Variants in RASA1 observed in about 807,000 individuals in gnomAD.
The protein encoded by RASA1 is RAS p21 protein activator 1.
RASA1 carries 25 observed loss-of-function variants against 132.2 expected under a neutral mutation model. The ratio of observed to expected loss-of-function variants is 0.19; its 90% confidence interval spans 0.14 to 0.26. The LOEUF (loss-of-function observed/expected upper bound fraction) is 0.26. Ranked by LOEUF, RASA1 falls within the 10% of genes least tolerant of loss-of-function variation. The pLI, the probability that RASA1 is intolerant of heterozygous loss-of-function variation, is 1.00. For missense variants in RASA1, 964 were observed against 1,299.2 expected (o/e 0.74, Z 3.97); for synonymous variants, 477 against 449.9 (o/e 1.06, Z -0.76).
intron 1 of RASA1, among the ~76,000 whole-genome samples, chr5:87,298,972 C>T (rs747458886): frequency 6.6e-6 from 1 of 152,168 alleles, no homozygotes; most frequent in Non-Finnish European, 1.5e-5. Flanking sequence ...CATTTTGGGC[C>T]TGTGCTCTTG....
intron 1 of RASA1, among the ~76,000 whole-genome samples, chr5:87,330,704 G>A (rs115737216): frequency 0.02 from 2,985 of 152,244 alleles, 42 homozygotes; most frequent in Non-Finnish European, 0.028. Context: ...AGCAAGAAGG[G>A]TGAAGGGACA....
chr5:87,324,237 G>A (rs1293840831), intron 1 of RASA1, among the ~76,000 whole-genome samples: 3 of 152,176 alleles, frequency 2.0e-5, no homozygotes, highest in African/African-American at 7.2e-5. Context: ...AAAATGTGCT[G>A]TAGGTACTAA....
intron 5 of RASA1, among the ~76,000 whole-genome samples, chr5:87,340,802 A>G (rs999966489): frequency 3.4e-4 from 52 of 152,268 alleles, no homozygotes; most frequent in Non-Finnish European, 6.0e-4. Flanking sequence ...CAAAAAGTAC[A>G]AGCTACAGTG....
chr5:87,344,301 A>G (rs1251339480), intron 6 of RASA1, among the ~76,000 whole-genome samples: 1 of 152,134 alleles, frequency 6.6e-6, no homozygotes, highest in Non-Finnish European at 1.5e-5. Context: ...CTGGTACCCC[A>G]TAAAAATAAA....
At chr5:87,338,119 C>A in intron 5 of RASA1, 28 bp downstream of exon 5, 1 of 1,610,370 alleles carries the variant, frequency 6.2e-7, no homozygotes, top group Non-Finnish European at 8.5e-7. Context: ...CTTCTCAATT[C>A]TAGATTCTAA....
Position 87,349,122 on chromosome 5 carries a change from A to G in RASA1, c.1103-92A>G, listed in dbSNP as rs1489747260. ...TCCTGGTGAAAATTTACATATGTTT[A>G]TGACTTTGAATGCACTTTGTAATAA... On this transcript the variant is annotated intron_variant, in intron 7 of 24. Transcript: ENST00000274376. 18 of 1,426,236 alleles carry G rather than the reference A, an allele frequency of 1.3e-5. No homozygotes were observed. In the East Asian group the frequency reaches 3.5e-4, roughly 27 times the overall value. The allele number at this position is 1,426,236 out of a possible 1,614,324, so 88.3% of individuals were successfully genotyped here.
Position 87,351,180 on chromosome 5 carries a change from TA to T in RASA1, c.1253+1827del, listed in dbSNP as rs1228940643. On this transcript the variant is annotated intron_variant, in intron 8 of 24. Transcript: ENST00000274376. Reference sequence around the variant, plus strand: ...TTTAATGTTCCTATATTCAGAGTTTTAAAAAAAAAAAGCAGAAGAGGCATTT... The same window carrying T: ...TTTAATGTTCCTATATTCAGAGTTTTAAAAAAAAAAGCAGAAGAGGCATTT... Among the ~76,000 whole-genome samples, 806 of 145,364 alleles carry T rather than the reference TA, an allele frequency of 5.5e-3. 4 individuals carry two copies. The highest frequency in any genetic ancestry group is 0.018 in the African/African-American group (708 of 40,126).
At chr5:87,374,611 T>C (rs966613980) in intron 14 of RASA1, among the ~76,000 whole-genome samples, 5 of 151,904 alleles carry the variant, frequency 3.3e-5, no homozygotes, top group African/African-American at 4.8e-5. Flanking sequence ...CCAGTACTTA[T>C]TTGAATGAAT....
intron 13 of RASA1, 109 bp downstream of exon 13, chr5:87,372,304 C>T: frequency 2.1e-6 from 2 of 961,130 alleles, no homozygotes; most frequent in Non-Finnish European, 1.6e-6. Flanking sequence ...GGGGTTAAGC[C>T]ATGCTGCCAC....
rs150971816 is a variant in RASA1 at position 87,383,631 on chromosome 5, C to T, written c.2691-82C>T. On this transcript the variant is annotated intron_variant, in intron 20 of 24. Transcript: ENST00000274376. ...ATGGGTTCTATGAGTACTAAAAATTCTGTTTATATATATTGTTTTAATGTA... is the reference window on the plus strand; with the variant it reads ...ATGGGTTCTATGAGTACTAAAAATTTTGTTTATATATATTGTTTTAATGTA... The T allele has an allele frequency of 1.7e-3, 1,791 of 1,057,952 alleles. 26 individuals are homozygous for T. In the African/African-American group the frequency reaches 0.027, roughly 16 times the overall value. 65.5% of individuals were successfully genotyped at this position (1,057,952 alleles called of 1,614,324 possible).
intron 9 of RASA1, among the ~76,000 whole-genome samples, chr5:87,357,917 T>C (rs578021820): frequency 1.3e-5 from 2 of 152,310 alleles, no homozygotes; most frequent in Admixed American, 1.3e-4. Context: ...ATTTGATTGA[T>C]TGCTACACAG....
At chr5:87,293,250 A>AT (rs1164236637) in intron 1 of RASA1, among the ~76,000 whole-genome samples, 5,610 of 143,578 alleles carry the variant, frequency 0.039, 334 homozygotes, top group African/African-American at 0.13. Flanking sequence ...TTTTTGGTAG[A>AT]TTTTTTTTTT....
chr5:87,390,893 C>A lies in RASA1; in HGVS notation c.*10C>A. ...CAATGATGTCAGGTAGCAGCCTTCG[C>A]CCCAGTGTTCTGCATGGATTCAGCA... On this transcript the variant is annotated 3_prime_UTR_variant, in exon 25 of 25. Transcript: ENST00000274376. The A allele has an allele frequency of 6.3e-7, 1 of 1,599,398 alleles. No homozygotes were observed. The highest frequency in any genetic ancestry group is 8.6e-7 in the Non-Finnish European group (1 of 1,166,684).
In RASA1 at chr5:87,390,780, A is replaced by C; in HGVS notation, c.3061-20A>C. 1 of 1,591,862 alleles carries C rather than the reference A, an allele frequency of 6.3e-7. No homozygotes were observed. Among genetic ancestry groups the C allele is most frequent in the Non-Finnish European group, 8.6e-7 (1 of 1,160,008 alleles). ...TGACCGAGCTTTCATTTATTTTCAT[A>C]CCATTTTTCCTCTGTCTAGCACGTA... On this transcript the variant is annotated intron_variant, in intron 24 of 24. Coordinates refer to ENST00000274376, the MANE Select transcript of RASA1 (RefSeq NM_002890.3).
At chr5:87,348,035 C>G (rs1384745479) in intron 7 of RASA1, among the ~76,000 whole-genome samples, 1 of 151,950 alleles carries the variant, frequency 6.6e-6, no homozygotes, top group Non-Finnish European at 1.5e-5. Flanking sequence ...CACTTGCATG[C>G]ACAGTCTTGC....
intron 8 of RASA1, among the ~76,000 whole-genome samples, chr5:87,349,749 CTTA>C (rs1293609333): frequency 6.6e-6 from 1 of 151,844 alleles, no homozygotes; most frequent in East Asian, 1.9e-4. Context: ...ATACCTGAGA[CTTA>C]TTATACAGAT....
chr5:87,383,967 C>A (rs1365765479), intron 21 of RASA1, among the ~76,000 whole-genome samples, 187 bp downstream of exon 21: 2 of 146,822 alleles, frequency 1.4e-5, no homozygotes, highest in Non-Finnish European at 3.0e-5. Flanking sequence ...CTTTTTGTTT[C>A]TTTTCTTCCA....
intron 11 of RASA1, 55 bp downstream of exon 11, chr5:87,363,559 A>G: frequency 6.4e-7 from 1 of 1,571,196 alleles, no homozygotes. Flanking sequence ...ATAAAATAGT[A>G]CAAACAAAGC....
intron 9 of RASA1, among the ~76,000 whole-genome samples, chr5:87,357,628 C>A (rs887179498): frequency 2.6e-5 from 4 of 152,042 alleles, no homozygotes; most frequent in African/African-American, 9.7e-5. Flanking sequence ...TCGCTTGAAC[C>A]TGGGAGGTGG....
Sources: allele counts gnomAD v4.1 joint callset (sites outside exome capture counted in the v4.1 genomes callset), GRCh38; gene constraint gnomAD v4.1.1; transcripts MANE v1.5; gene names NCBI Gene and HGNC (gene_info 2026-07-23, HGNC 2026-07-21).